Variants in SCN10A observed in about 807,000 individuals in gnomAD.
SCN10A encodes the protein sodium channel protein type 10 subunit alpha.
A neutral mutation model predicts 170.7 loss-of-function variants in SCN10A; 162 were observed. That is an observed-to-expected ratio of 0.95 (90% confidence interval 0.84 to 1.08). The LOEUF is 1.08. SCN10A is among the 50% of genes least tolerant of loss of function. The pLI is 0.00. For synonymous variants in SCN10A, 985 were observed against 904.6 expected (o/e 1.09, Z -1.59); for missense variants, 2,527 against 2,436.9 (o/e 1.04, Z -0.78).
rs2063247474 is a variant in SCN10A at position 38,709,462 on chromosome 3, C to A, written c.4281+16G>T. 1 of 1,599,240 alleles carries A rather than the reference C, an allele frequency of 6.3e-7. No homozygotes were observed. The highest frequency in any genetic ancestry group is 8.5e-7 in the Non-Finnish European group (1 of 1,173,526). On this transcript the variant is annotated intron_variant, in intron 25 of 27. Transcript: ENST00000449082. ...ACCACTACAGCAGAAACCAGAAACT[C>A]CTGAGCACCACTTATCTTTTTTTTC...
intron 1 of SCN10A, among the ~76,000 whole-genome samples, chr3:38,797,900 C>G (rs1284343660): frequency 6.6e-6 from 1 of 152,158 alleles, no homozygotes; most frequent in East Asian, 1.9e-4. Context: ...ATAAATCCCT[C>G]CAGCTAAGGA....
chr3:38,726,322 C>A (rs2063453860), intron 17 of SCN10A, among the ~76,000 whole-genome samples: 1 of 152,180 alleles, frequency 6.6e-6, no homozygotes, highest in Admixed American at 6.5e-5. Context: ...TGCACAGAGC[C>A]TGGGTTGGGC....
At chr3:38,716,185 C>T (rs938013475) in intron 21 of SCN10A, among the ~76,000 whole-genome samples, 2 of 151,834 alleles carry the variant, frequency 1.3e-5, no homozygotes, top group African/African-American at 4.8e-5. Context: ...TAATATGTTC[C>T]ACTATAGTAA....
At chr3:38,784,615 T>C (rs1396405186) in intron 4 of SCN10A, among the ~76,000 whole-genome samples, 1 of 152,092 alleles carries the variant, frequency 6.6e-6, no homozygotes, top group African/African-American at 2.4e-5. Flanking sequence ...CAACATAGTA[T>C]TGGAAGTTCT....
intron 5 of SCN10A, among the ~76,000 whole-genome samples, chr3:38,764,286 C>G (rs779382905): frequency 2.0e-5 from 3 of 152,032 alleles, no homozygotes; most frequent in Non-Finnish European, 4.4e-5. Flanking sequence ...AATTCTTTAA[C>G]GCTGATTTCT....
In SCN10A at chr3:38,722,352, C is replaced by T. The variant is rs1430203617; in HGVS notation, c.3413G>A (p.Gly1138Asp). Residue 1138 changes from glycine to aspartate, a missense_variant, in exon 20 of 28, where the codon GGC (glycine) becomes GAC (aspartate). Gly to Asp is a moderately conservative substitution (Grantham distance 94). Coordinates refer to ENST00000449082, the MANE Select transcript of SCN10A (RefSeq NM_006514.4). Reference sequence around the variant, plus strand: ...GTAGCAAGTCTTGCGCACCTGCCAGCCCACATCCCATGGACTCTTGGTGGT... The same window carrying T: ...GTAGCAAGTCTTGCGCACCTGCCAGTCCACATCCCATGGACTCTTGGTGGT... Reference protein sequence around the residue: ...LDTTKSPWDVGWQVRKTCYRI... With the variant: ...LDTTKSPWDVDWQVRKTCYRI... 3.7e-6 allele frequency: 6 copies of T among 1,614,118 alleles called. No individual in the cohort carries two copies. Among genetic ancestry groups the T allele is most frequent in the South Asian group, 3.3e-5 (3 of 91,066 alleles).
At position 38,697,501 on chromosome 3, in the gene SCN10A, C is replaced by G; in HGVS notation, c.5719G>C (p.Asp1907His). 1 of 1,614,126 alleles carries G rather than the reference C, an allele frequency of 6.2e-7. No individual in the cohort carries two copies. Among genetic ancestry groups the G allele is most frequent in the Non-Finnish European group, 8.5e-7 (1 of 1,180,018 alleles). Reference sequence around the variant, plus strand: ...GTGGCAGAAGCAGTTTCAGATTTGTCTGGGAGTACACAATTTTCATTTGCT... The same window carrying G: ...GTGGCAGAAGCAGTTTCAGATTTGTGTGGGAGTACACAATTTTCATTTGCT... Reference protein sequence around the residue: ...FTANENCVLPDKSETASATSF... With the variant: ...FTANENCVLPHKSETASATSF... Residue 1907 changes from aspartate to histidine, a missense_variant, in exon 28 of 28, where the codon GAC (aspartate) becomes CAC (histidine). Physicochemically the swap from Asp to His is moderately conservative, Grantham distance 81 (BLOSUM62 -1). Transcript: ENST00000449082.
chr3:38,710,397 C>T (rs2063260717), intron 24 of SCN10A, among the ~76,000 whole-genome samples: 1 of 152,138 alleles, frequency 6.6e-6, no homozygotes, highest in Non-Finnish European at 1.5e-5. Flanking sequence ...CTCAGGCAAT[C>T]TGCCCACCTC....
At chr3:38,763,805 T>C (rs1043795982) in intron 5 of SCN10A, among the ~76,000 whole-genome samples, 2 of 152,214 alleles carry the variant, frequency 1.3e-5, no homozygotes, top group African/African-American at 2.4e-5. Flanking sequence ...AGAAGATGCA[T>C]TGTGATCTAG....
chr3:38,756,120 C>G (rs1337428218), intron 10 of SCN10A, among the ~76,000 whole-genome samples, 162 bp from the exon 11 acceptor site: 1 of 152,180 alleles, frequency 6.6e-6, no homozygotes, highest in Non-Finnish European at 1.5e-5. Flanking sequence ...GGAACAGACA[C>G]CTCGGGTCAC....
intron 1 of SCN10A, among the ~76,000 whole-genome samples, chr3:38,814,645 T>C (rs2064460859): frequency 6.6e-6 from 1 of 152,228 alleles, no homozygotes; most frequent in South Asian, 2.1e-4. Flanking sequence ...TCCTTGTAGG[T>C]ATGTGCTCTT....
chr3:38,757,353 C>T (rs1167788004), intron 8 of SCN10A, among the ~76,000 whole-genome samples, 194 bp from the exon 9 acceptor site: 1 of 152,194 alleles, frequency 6.6e-6, no homozygotes. Flanking sequence ...GACGCTAATA[C>T]TTTCACGTCA....
intron 3 of SCN10A, among the ~76,000 whole-genome samples, chr3:38,790,604 A>G (rs1298978860): frequency 6.6e-6 from 1 of 151,834 alleles, no homozygotes; most frequent in Non-Finnish European, 1.5e-5. Context: ...TGAAAAAGCA[A>G]CAACTACCCA....
chr3:38,731,706 C>T (rs1045989617), intron 15 of SCN10A, among the ~76,000 whole-genome samples: 1 of 152,166 alleles, frequency 6.6e-6, no homozygotes, highest in Admixed American at 6.5e-5. Flanking sequence ...GACTGAATTT[C>T]CACTTCATAT....
chr3:38,754,266 A>G (rs1338971573), intron 11 of SCN10A, among the ~76,000 whole-genome samples: 2 of 152,178 alleles, frequency 1.3e-5, no homozygotes, highest in Non-Finnish European at 2.9e-5. Flanking sequence ...ATAAGAGTGG[A>G]TGTTTCTTCC....
intron 4 of SCN10A, among the ~76,000 whole-genome samples, chr3:38,776,052 A>G (rs1301375796): frequency 2.0e-5 from 3 of 152,142 alleles, no homozygotes; most frequent in Non-Finnish European, 2.9e-5. Context: ...TTTATTGGAA[A>G]ATAATATGGA....
intron 1 of SCN10A, among the ~76,000 whole-genome samples, chr3:38,804,422 C>T (rs907924531): frequency 3.3e-5 from 5 of 152,020 alleles, no homozygotes. Context: ...CATTTTTGTT[C>T]ATTATTTATC....
At chr3:38,719,955 G>C (rs559341841) in intron 20 of SCN10A, among the ~76,000 whole-genome samples, 1 of 152,232 alleles carries the variant, frequency 6.6e-6, no homozygotes, top group African/African-American at 2.4e-5. Flanking sequence ...GGAGGAAACT[G>C]TGTCCACCTT....
At chr3:38,730,345 G>T (rs539428695) in intron 15 of SCN10A, among the ~76,000 whole-genome samples, 19 of 152,322 alleles carry the variant, frequency 1.2e-4, no homozygotes, top group Non-Finnish European at 1.9e-4. Context: ...TTTAAGTTGA[G>T]AATTTAATTT....
Sources: gnomAD v4.1 joint callset for allele counts (sites outside exome capture counted in the v4.1 genomes callset) on GRCh38, gnomAD v4.1.1 for gene constraint, MANE v1.5 for transcripts, NCBI Gene and HGNC (gene_info 2026-07-23, HGNC 2026-07-21) for gene names.